NEGR1: variants seen among roughly 807,000 people sequenced by gnomAD.
The protein encoded by NEGR1 is IgLON family member 4.
A neutral mutation model predicts 40.9 loss-of-function variants in NEGR1; 10 were observed. That is an observed-to-expected ratio of 0.24 (90% confidence interval 0.15 to 0.42). The LOEUF (loss-of-function observed/expected upper bound fraction) is 0.42. Among genes scored for constraint, NEGR1 ranks in the 10% least tolerant of loss-of-function variants. The pLI is 1.00. For missense variants in NEGR1, 352 were observed against 438.9 expected (o/e 0.80, Z 1.77); for synonymous variants, 185 against 166.8 (o/e 1.11, Z -0.84).
chr1:71,626,116 C>T (rs1489934542), intron 4 of NEGR1, among the ~76,000 whole-genome samples: 1 of 152,066 alleles, frequency 6.6e-6, no homozygotes, highest in African/African-American at 2.4e-5. Context: ...GAAAAATTGT[C>T]TTCCACAAAA....
At chr1:72,145,629 C>G (rs1257342131) in intron 1 of NEGR1, among the ~76,000 whole-genome samples, 7 of 152,024 alleles carry the variant, frequency 4.6e-5, no homozygotes, top group African/African-American at 1.7e-4. Flanking sequence ...TTTTGCCCCT[C>G]CATAGGTAAG....
intron 5 of NEGR1, among the ~76,000 whole-genome samples, chr1:71,594,666 T>C (rs1649630326): frequency 6.6e-6 from 1 of 152,204 alleles, no homozygotes; most frequent in African/African-American, 2.4e-5. Flanking sequence ...CTTTTATTCT[T>C]CTCTCTCATA....
chr1:72,202,493 TA>T (rs1434240760), intron 1 of NEGR1, among the ~76,000 whole-genome samples: 1 of 152,020 alleles, frequency 6.6e-6, no homozygotes, highest in Non-Finnish European at 1.5e-5. Context: ...ATAGAAAGGA[TA>T]AATTCCTGAA....
In NEGR1 at chr1:72,157,142, T is replaced by A. The variant is rs184411855; in HGVS notation, c.176+125177A>T. 5.9e-5 allele frequency among the ~76,000 whole-genome samples: 9 copies of A among 152,134 alleles called. No individual in the cohort carries two copies. The South Asian group carries it at 1.9e-3, about 32-fold the overall frequency. On this transcript the variant is annotated intron_variant, in intron 1 of 6. Coordinates refer to ENST00000357731, the MANE Select transcript of NEGR1 (RefSeq NM_173808.3). ...CTTGTCTGGCTATGTTTTTGTTTCGTTTTGTTTTTGTAGAGATAGGGTCTC... is the reference window on the plus strand; with the variant it reads ...CTTGTCTGGCTATGTTTTTGTTTCGATTTGTTTTTGTAGAGATAGGGTCTC...
At chr1:71,452,746 A>C (rs1280166798) in intron 6 of NEGR1, among the ~76,000 whole-genome samples, 2 of 152,144 alleles carry the variant, frequency 1.3e-5, no homozygotes, top group Non-Finnish European at 2.9e-5. Context: ...AATTTCAGCC[A>C]ATTCACTTAA....
intron 2 of NEGR1, among the ~76,000 whole-genome samples, chr1:71,805,516 C>T (rs57737907): frequency 0.098 from 14,839 of 152,166 alleles, 1,085 homozygotes; most frequent in African/African-American, 0.2. Context: ...CTACGTGAAA[C>T]ATCGGGGCTG....
intron 1 of NEGR1, among the ~76,000 whole-genome samples, chr1:72,166,482 T>G (rs957726033): frequency 2.0e-5 from 3 of 152,172 alleles, no homozygotes; most frequent in Non-Finnish European, 4.4e-5. Context: ...TGCACTCTCA[T>G]GTTCATTGCT....
chr1:72,040,157 A>G (rs1366131980), intron 1 of NEGR1, among the ~76,000 whole-genome samples: 2 of 151,996 alleles, frequency 1.3e-5, no homozygotes, highest in African/African-American at 4.8e-5. Flanking sequence ...ATGTATTACA[A>G]TTCTCAAGCC....
chr1:72,192,600 G>A lies in NEGR1; in HGVS notation c.176+89719C>T, dbSNP rs187893018. ...GCATATGCACATGACTTTATGAGAT[G>A]TATTTTTAGCAATGATTCAGTAAGA... is the stretch of plus-strand genomic sequence containing the variant. On this transcript the variant is annotated intron_variant, in intron 1 of 6. Transcript: ENST00000357731. Among the ~76,000 whole-genome samples the A allele has an allele frequency of 8.6e-3, 1,299 of 151,858 alleles. 18 individuals are homozygous for A. Among genetic ancestry groups the A allele is most frequent in the African/African-American group, 0.03 (1,236 of 41,470 alleles).
intron 2 of NEGR1, among the ~76,000 whole-genome samples, chr1:71,895,748 C>G (rs1660953347): frequency 6.6e-6 from 1 of 152,124 alleles, no homozygotes; most frequent in African/African-American, 2.4e-5. Context: ...AGTAACGCTG[C>G]TAAGAGCATT....
chr1:71,796,164 C>T (rs1657317223), intron 2 of NEGR1, among the ~76,000 whole-genome samples: 2 of 152,144 alleles, frequency 1.3e-5, no homozygotes, highest in South Asian at 2.1e-4. Context: ...TACCACCACA[C>T]ATATTCATAC....
intron 6 of NEGR1, among the ~76,000 whole-genome samples, chr1:71,432,547 G>A (rs1032251986): frequency 6.6e-6 from 1 of 152,080 alleles, no homozygotes; most frequent in Non-Finnish European, 1.5e-5. Flanking sequence ...TGAGACTGAA[G>A]CACCAAAGAG....
chr1:72,074,347 G>A (rs983746027), intron 1 of NEGR1, among the ~76,000 whole-genome samples: 5 of 151,788 alleles, frequency 3.3e-5, no homozygotes, highest in African/African-American at 7.3e-5. Context: ...ACAATTCCAC[G>A]TGCCTCAAAT....
intron 1 of NEGR1, among the ~76,000 whole-genome samples, chr1:72,214,881 T>C (rs1653742695): frequency 6.6e-6 from 1 of 151,596 alleles, no homozygotes; most frequent in South Asian, 2.1e-4. Flanking sequence ...GTAAATTTCA[T>C]ATGGAACCAA....
intron 1 of NEGR1, among the ~76,000 whole-genome samples, chr1:72,169,322 A>G (rs547002013): frequency 6.6e-6 from 1 of 152,256 alleles, no homozygotes; most frequent in Non-Finnish European, 1.5e-5. Context: ...AATCAGCAAG[A>G]TGTAACTTTC....
At chr1:71,737,392 A>G (rs900297679) in intron 3 of NEGR1, among the ~76,000 whole-genome samples, 14 of 151,832 alleles carry the variant, frequency 9.2e-5, no homozygotes, top group African/African-American at 2.9e-4. Flanking sequence ...GTTGACTGAA[A>G]GTCTAGGCCT....
Position 71,503,086 on chromosome 1 carries a change from G to A in NEGR1, c.940+89731C>T, listed in dbSNP as rs571700498. Among the ~76,000 whole-genome samples the A allele has an allele frequency of 2.9e-4, 44 of 152,308 alleles. 1 individual carries two copies. The highest frequency in any genetic ancestry group is 4.9e-4 in the Non-Finnish European group (33 of 68,018). Reference sequence around the variant, plus strand: ...CCCTGGATAGTCTGTTGGGGAGAATGCTGCAGGTTTGCAGGGACTACTCTC... The same window carrying A: ...CCCTGGATAGTCTGTTGGGGAGAATACTGCAGGTTTGCAGGGACTACTCTC... On this transcript the variant is annotated intron_variant, in intron 6 of 6. Transcript: ENST00000357731.
intron 3 of NEGR1, among the ~76,000 whole-genome samples, chr1:71,717,854 G>A (rs558204243): frequency 1.3e-5 from 2 of 152,156 alleles, no homozygotes; most frequent in African/African-American, 2.4e-5. Flanking sequence ...ACAGGCATAG[G>A]CATGGAGAAA....
chr1:71,461,006 T>C (rs1646710844), intron 6 of NEGR1, among the ~76,000 whole-genome samples: 2 of 152,176 alleles, frequency 1.3e-5, no homozygotes, highest in Non-Finnish European at 2.9e-5. Flanking sequence ...GAAAATAAAA[T>C]ATATCTGTCT....
Sources: allele counts gnomAD v4.1 joint callset (sites outside exome capture counted in the v4.1 genomes callset), GRCh38; gene constraint gnomAD v4.1.1; transcripts MANE v1.5; gene names NCBI Gene and HGNC (gene_info 2026-07-23, HGNC 2026-07-21).